The following CHD7 variants were observed in gnomAD, a reference collection of about 807,000 sequenced individuals.
CHD7 encodes the protein chromodomain helicase DNA binding protein 7, also known as ATP-dependent chromatin remodeler CHD7.
CHD7 carries 24 observed loss-of-function variants against 307.3 expected under a neutral mutation model. That is an observed-to-expected ratio of 0.08 (90% CI 0.06 to 0.11). The LOEUF (loss-of-function observed/expected upper bound fraction) is 0.11, where lower values mean the gene tolerates loss of function less well. Among genes scored for constraint, CHD7 ranks in the 10% least tolerant of loss-of-function variants. The pLI is 1.00. For missense variants in CHD7, 3,106 were observed against 3,727.1 expected (o/e 0.83, Z 4.34); for synonymous variants, 1,363 against 1,349.9 (o/e 1.01, Z -0.21).
At chr8:60,737,624 C>G (rs1277518673) in intron 1 of CHD7, among the ~76,000 whole-genome samples, 3 of 152,190 alleles carry the variant, frequency 2.0e-5, no homozygotes, top group Non-Finnish European at 2.9e-5. Flanking sequence ...CAAACACATG[C>G]ATCTTCTGAA....
intron 7 of CHD7, chr8:60,808,948 A>T (rs1427164636): frequency 2.0e-5 from 3 of 152,270 alleles, no homozygotes; most frequent in African/African-American, 7.2e-5. Flanking sequence ...TCATAGAACA[A>T]GGACAAAAAT....
In CHD7 at chr8:60,764,354, A is replaced by G. The variant is rs1247033758; in HGVS notation, c.1666-16646A>G. Among the ~76,000 whole-genome samples, 5 of 152,346 alleles carry G rather than the reference A, an allele frequency of 3.3e-5. No individual in the cohort carries two copies. In the East Asian group the frequency reaches 7.7e-4, roughly 23 times the overall value. ...AAAGTTTATTTAAAAATTATGTACAATGAAATCACAAGCCATTTTGAATTA... is the reference window on the plus strand; with the variant it reads ...AAAGTTTATTTAAAAATTATGTACAGTGAAATCACAAGCCATTTTGAATTA... On this transcript the variant is annotated intron_variant, in intron 2 of 37. Coordinates refer to ENST00000423902, the MANE Select transcript of CHD7 (RefSeq NM_017780.4).
At chr8:60,817,515 A>G (rs141557041) in intron 8 of CHD7, among the ~76,000 whole-genome samples, 54 of 152,286 alleles carry the variant, frequency 3.5e-4, no homozygotes, top group Non-Finnish European at 6.9e-4. Context: ...ATGGGAGATC[A>G]TGTGGTTGTT....
intron 14 of CHD7, among the ~76,000 whole-genome samples, chr8:60,829,299 T>C (rs1402293541): frequency 6.6e-6 from 1 of 152,130 alleles, no homozygotes; most frequent in Admixed American, 6.5e-5. Flanking sequence ...AATGAAGCAT[T>C]GTGTATAAAA....
intron 36 of CHD7, 67 bp downstream of exon 36, chr8:60,862,403 G>C (rs1004163107): frequency 6.5e-7 from 1 of 1,529,418 alleles, no homozygotes; most frequent in East Asian, 2.3e-5. Flanking sequence ...GTTTTATCCT[G>C]CCTTCTTCTA....
chr8:60,735,680 A>G (rs984138895), intron 1 of CHD7, among the ~76,000 whole-genome samples: 4 of 152,250 alleles, frequency 2.6e-5, no homozygotes, highest in African/African-American at 9.6e-5. Context: ...GTAGATATGG[A>G]CCTTTAAAAG....
chr8:60,833,621 G>A (rs1441948157), intron 15 of CHD7, among the ~76,000 whole-genome samples: 1 of 152,234 alleles, frequency 6.6e-6, no homozygotes, highest in Non-Finnish European at 1.5e-5. Context: ...ATCTGTTGAA[G>A]TGAAAAGACT....
At chr8:60,804,408 C>A (rs1490155785) in intron 6 of CHD7, among the ~76,000 whole-genome samples, 1 of 151,624 alleles carries the variant, frequency 6.6e-6, no homozygotes, top group Non-Finnish European at 1.5e-5. Context: ...CCCTAAAATT[C>A]TTTATTTTTC....
rs760780464 is a variant in CHD7, at chr8:60,822,532, G to A, written c.2987G>A (p.Gly996Asp). 6.2e-7 allele frequency: 1 copy of A among 1,613,482 alleles called. No homozygotes were observed. Among genetic ancestry groups the A allele is most frequent in the African/African-American group, 1.3e-5 (1 of 75,002 alleles). ...MRNCILADEMGLGKTIQSITF... is the reference protein window; with the variant it reads ...MRNCILADEMDLGKTIQSITF... ...AACTGCATTTTAGCAGATGAAATGG[G>A]TTTGGGAAAAACTATCCAGTCCATT... The change falls in exon 12 of 38, where the codon GGT becomes GAT. Residue 996 changes from glycine to aspartate, a missense_variant. Coordinates refer to ENST00000423902, the MANE Select transcript of CHD7 (RefSeq NM_017780.4).
rs775000989 is a variant in CHD7, at chr8:60,821,902, C to G, written c.2810C>G (p.Ser937Cys). ...AKIEEFEKLM[S>C]REPETERVER... ...ATCGAGGAGTTTGAGAAACTAATGT[C>G]CAGGGAGCCGGAAACAGAGCGTGTG... Residue 937 changes from serine to cysteine, a missense_variant, in exon 10 of 38, where the codon TCC (serine) becomes TGC (cysteine). By Grantham distance (112) the Ser-to-Cys change is moderately radical (BLOSUM62 -1). Around this residue, in one of 10 missense-constraint regions of CHD7, gnomAD observed 188 missense variants for 261.7 expected, o/e 0.72. Transcript: ENST00000423902. 5 of 1,612,390 alleles carry G rather than the reference C, an allele frequency of 3.1e-6. No individual in the cohort carries two copies. The highest frequency in any genetic ancestry group is 4.2e-6 in the Non-Finnish European group (5 of 1,179,228).
chr8:60,718,938 C>T (rs192987535), intron 1 of CHD7, among the ~76,000 whole-genome samples: 4 of 152,336 alleles, frequency 2.6e-5, no homozygotes, highest in Admixed American at 2.6e-4. Flanking sequence ...TTGCAGTTGC[C>T]TACAGTATTC....
At chr8:60,686,509 G>T (rs1221852104) in intron 1 of CHD7, among the ~76,000 whole-genome samples, 5 of 152,196 alleles carry the variant, frequency 3.3e-5, no homozygotes, top group African/African-American at 9.7e-5. Flanking sequence ...GAATAGAGGG[G>T]ATGCTTCTTT....
At chr8:60,732,912 A>G (rs915111463) in intron 1 of CHD7, among the ~76,000 whole-genome samples, 3 of 152,062 alleles carry the variant, frequency 2.0e-5, no homozygotes, top group Non-Finnish European at 4.4e-5. Flanking sequence ...TTTCTTCTCT[A>G]CCATATTACA....
chr8:60,701,687 G>A (rs1806769396), intron 1 of CHD7, among the ~76,000 whole-genome samples: 1 of 152,222 alleles, frequency 6.6e-6, no homozygotes, highest in Non-Finnish European at 1.5e-5. Context: ...TATTTGGAAA[G>A]GTAGGTTTGG....
chr8:60,838,231 A>G lies in CHD7; in HGVS notation c.4509A>G (p.Glu1503=), dbSNP rs1276315969. The G allele has an allele frequency of 6.2e-7, 1 of 1,604,704 alleles. No individual in the cohort carries two copies. Among genetic ancestry groups the G allele is most frequent in the Admixed American group, 1.7e-5 (1 of 58,664 alleles). The stretch of plus-strand genomic sequence containing the variant: ...CCCACACCATTACCATTGAGTCAGA[A>G]GGGAAAGGTTCCACATTTGCTAAGG... ...RRTHTITIES[E]GKGSTFAKAS... The change falls in exon 19 of 38, where the codon GAA becomes GAG. Residue 1503 remains glutamate, a synonymous_variant. Coordinates refer to ENST00000423902, the MANE Select transcript of CHD7 (RefSeq NM_017780.4).
chr8:60,721,056 C>T (rs1183455383), intron 1 of CHD7, among the ~76,000 whole-genome samples: 4 of 152,094 alleles, frequency 2.6e-5, no homozygotes, highest in Admixed American at 6.5e-5. Flanking sequence ...AGTGAGGTCC[C>T]GGACCAGCAA....
In CHD7 at chr8:60,695,068, G is replaced by C. The variant is rs557609119; in HGVS notation, c.-175+15986G>C. Among the ~76,000 whole-genome samples the C allele has an allele frequency of 1.7e-3, 264 of 152,234 alleles. 1 individual carries two copies. Among genetic ancestry groups the C allele is most frequent in the African/African-American group, 6.1e-3 (253 of 41,550 alleles). ...AGACACAGCCATGGACATTCAGGGT[G>C]GGGGGAAGAGGGACTAGGAGCCTGG... On this transcript the variant is annotated intron_variant, in intron 1 of 37. Transcript: ENST00000423902.
intron 2 of CHD7, among the ~76,000 whole-genome samples, chr8:60,751,226 G>A (rs1422839858): frequency 6.6e-6 from 1 of 152,042 alleles, no homozygotes; most frequent in Non-Finnish European, 1.5e-5. Flanking sequence ...TAATACAATT[G>A]CTTGTTTCTT....
chr8:60,832,467 G>A lies in CHD7; in HGVS notation c.3778+1890G>A, dbSNP rs150977251. Among the ~76,000 whole-genome samples the A allele has an allele frequency of 5.1e-3, 779 of 152,352 alleles. 5 individuals carry two copies. The highest frequency in any genetic ancestry group is 8.9e-3 in the South Asian group (43 of 4,824). On this transcript the variant is annotated intron_variant, in intron 15 of 37. Coordinates refer to ENST00000423902, the MANE Select transcript of CHD7 (RefSeq NM_017780.4). ...GTTACGGTGAGTGTTAACTAGCCAG[G>A]TCTTGAGTTGGCGAGACAGAGCTTA... is the stretch of plus-strand genomic sequence containing the variant.
Sources: gnomAD v4.1 joint callset for allele counts (sites outside exome capture counted in the v4.1 genomes callset) on GRCh38, gnomAD v4.1.1 for gene constraint, gnomAD v4.1.1 regional missense constraint, MANE v1.5 for transcripts, NCBI Gene and HGNC (gene_info 2026-07-23, HGNC 2026-07-21) for gene names.